The following CIMIP2A variants were observed in gnomAD, a reference collection of about 807,000 sequenced individuals.
CIMIP2A encodes the protein ciliary microtubule inner protein 2A.
At chr9:137,251,027 G>A in the CIMIP2A span, 1 of 486,984 alleles carries the variant, frequency 2.1e-6, no homozygotes, top group Admixed American at 3.3e-5. Flanking sequence ...CAGGGTGCAG[G>A]AGAGGGGAGA....
chr9:137,244,832 G>A, the CIMIP2A span: 84 of 1,571,762 alleles, frequency 5.3e-5, no homozygotes, highest in Non-Finnish European at 7.2e-5. Context: ...AGCCAGGCAA[G>A]GCTCCCTTTC....
chr9:137,251,640 G>A, the CIMIP2A span: 19 of 1,429,886 alleles, frequency 1.3e-5, no homozygotes, highest in East Asian at 4.7e-4. Context: ...GTGGCTGGGA[G>A]CAGCCGGGGG....
chr9:137,252,278 A>G, the CIMIP2A span: 1 of 1,353,996 alleles, frequency 7.4e-7, no homozygotes, highest in Non-Finnish European at 1.0e-6. Flanking sequence ...AGCACCTGTA[A>G]GGAGGCCTGG....
At chr9:137,247,110 A>C in the CIMIP2A span, among the ~76,000 whole-genome samples, 6 of 151,824 alleles carry the variant, frequency 4.0e-5, no homozygotes, top group African/African-American at 1.5e-4. Flanking sequence ...ACATAAAGAA[A>C]CCTCGTCCCT....
chr9:137,245,657 A>C, the CIMIP2A span: 10 of 1,607,170 alleles, frequency 6.2e-6, no homozygotes, highest in Admixed American at 1.7e-5. Flanking sequence ...TGGGGGATGT[A>C]GGGCTCCGTC....
the CIMIP2A span, chr9:137,245,507 C>T: frequency 4.3e-6 from 7 of 1,613,722 alleles, no homozygotes; most frequent in Non-Finnish European, 5.9e-6. Flanking sequence ...GCGTCCACCT[C>T]CAAGGGTGGG....
chr9:137,247,657 C>T, the CIMIP2A span: 2 of 1,612,726 alleles, frequency 1.2e-6, no homozygotes, highest in Middle Eastern at 1.6e-4. Context: ...TCCCGGCTCT[C>T]ACCCAGGGAC....
At chr9:137,254,020 C>T in the CIMIP2A span, among the ~76,000 whole-genome samples, 1 of 150,946 alleles carries the variant, frequency 6.6e-6, no homozygotes, top group Non-Finnish European at 1.5e-5. Flanking sequence ...GCTGGGGCCT[C>T]CCTTGTCATC....
the CIMIP2A span, among the ~76,000 whole-genome samples, chr9:137,248,859 C>A: frequency 6.6e-6 from 1 of 152,098 alleles, no homozygotes; most frequent in African/African-American, 2.4e-5. Context: ...CAGAACCAGA[C>A]CATTTCTCAC....
At chr9:137,253,607 T>C in the CIMIP2A span, 1 of 880,156 alleles carries the variant, frequency 1.1e-6, no homozygotes, top group Non-Finnish European at 1.6e-6. Flanking sequence ...AAAGGTGCTC[T>C]CTTCTCTAGG....
chr9:137,246,463 G>A, the CIMIP2A span, among the ~76,000 whole-genome samples: 3 of 152,190 alleles, frequency 2.0e-5, no homozygotes, highest in South Asian at 2.1e-4. Context: ...AACTACCTTC[G>A]TCTTAAAAAC....
At chr9:137,246,956 T>C in the CIMIP2A span, among the ~76,000 whole-genome samples, 1 of 152,090 alleles carries the variant, frequency 6.6e-6, no homozygotes, top group East Asian at 1.9e-4. Flanking sequence ...GGATATCTAG[T>C]GAGGCAGCCT....
the CIMIP2A span, chr9:137,252,272 C>T: frequency 2.0e-5 from 28 of 1,369,222 alleles, no homozygotes; most frequent in African/African-American, 3.9e-4. Context: ...AGGCTCAGCA[C>T]CTGTAAGGAG....
At chr9:137,245,050 G>A in the CIMIP2A span, 2 of 1,610,120 alleles carry the variant, frequency 1.2e-6, no homozygotes, top group Non-Finnish European at 1.7e-6. Flanking sequence ...CTTGTGGGGA[G>A]GGGCGGCCTT....
At chr9:137,254,676 G>T in the CIMIP2A span, among the ~76,000 whole-genome samples, 1 of 152,202 alleles carries the variant, frequency 6.6e-6, no homozygotes, top group South Asian at 2.1e-4. Context: ...AGGGCGGCGG[G>T]CTGGAGAGGC....
the CIMIP2A span, chr9:137,243,725 C>G: frequency 6.3e-5 from 102 of 1,614,014 alleles, no homozygotes; most frequent in Non-Finnish European, 8.6e-5. Flanking sequence ...TCGCTTTGCC[C>G]ATTCCTTCCA....
the CIMIP2A span, chr9:137,244,527 C>T: frequency 5.6e-5 from 86 of 1,522,446 alleles, no homozygotes; most frequent in African/African-American, 1.1e-3. Flanking sequence ...GGCAGAGCCC[C>T]CTCCTCAGGC....
chr9:137,243,880 C>T, the CIMIP2A span: 12 of 1,353,788 alleles, frequency 8.9e-6, no homozygotes, highest in Non-Finnish European at 8.4e-6. Context: ...GTGGGGCTGC[C>T]CTGGGCCCTG....
At chr9:137,253,221 C>T in the CIMIP2A span, 1 of 1,608,664 alleles carries the variant, frequency 6.2e-7, no homozygotes, top group African/African-American at 1.3e-5. Flanking sequence ...AGCGCCACGA[C>T]ACAGGCCCCT....
Sources: allele counts gnomAD v4.1 joint callset (sites outside exome capture counted in the v4.1 genomes callset), GRCh38; gene constraint gnomAD v4.1.1; transcripts MANE v1.5; gene names NCBI Gene and HGNC (gene_info 2026-07-23, HGNC 2026-07-21).